Variants in MVB12B observed in about 807,000 individuals in gnomAD.
MVB12B encodes ESCRT-I complex subunit MVB12B.
In MVB12B, 16 loss-of-function variants were observed where a neutral mutation model predicts 41.6. The observed-to-expected ratio is 0.38, with a 90% CI of 0.26 to 0.58. MVB12B has a LOEUF of 0.58. Among genes scored for constraint, MVB12B ranks in the 20% least tolerant of loss-of-function variants. MVB12B has a pLI of 0.62. For missense variants in MVB12B, 274 were observed against 380.2 expected (o/e 0.72, Z 2.32); for synonymous variants, 133 against 139.7 (o/e 0.95, Z 0.34).
chr9:126,407,302 G>A (rs749743793), intron 6 of MVB12B, among the ~76,000 whole-genome samples: 38 of 151,910 alleles, frequency 2.5e-4, no homozygotes, highest in Non-Finnish European at 4.1e-4. Flanking sequence ...TCAGGGAGAG[G>A]TAGCTGTGGT....
chr9:126,491,170 G>A (rs1833722618), intron 9 of MVB12B, among the ~76,000 whole-genome samples: 1 of 152,214 alleles, frequency 6.6e-6, no homozygotes, highest in Non-Finnish European at 1.5e-5. Context: ...AATGCATTTG[G>A]CAGCATGAGG....
chr9:126,472,138 C>T (rs191276808), intron 7 of MVB12B, among the ~76,000 whole-genome samples: 3 of 152,064 alleles, frequency 2.0e-5, no homozygotes, highest in Admixed American at 6.5e-5. Flanking sequence ...CTAGGTATTC[C>T]GGGGCAATGG....
rs960603177 is a variant in MVB12B at position 126,435,933 on chromosome 9, T to A, written c.757+13985T>A. On this transcript the variant is annotated intron_variant, in intron 7 of 9. Coordinates refer to ENST00000361171, the MANE Select transcript of MVB12B (RefSeq NM_033446.3). ...GCTTGTTTCTTCAGGCTACATTTTT[T>A]AAAAAGAGATCATACCTTTTCTTTG... Among the ~76,000 whole-genome samples, 18 of 152,358 alleles carry A rather than the reference T, an allele frequency of 1.2e-4. No individual in the cohort carries two copies. The East Asian group carries it at 1.3e-3, about 11-fold the overall frequency.
chr9:126,483,328 A>AT (rs1833563875), intron 8 of MVB12B, among the ~76,000 whole-genome samples: 1 of 152,164 alleles, frequency 6.6e-6, no homozygotes, highest in African/African-American at 2.4e-5. Flanking sequence ...AAAAGCCAGC[A>AT]TTTTTTTAAG....
chr9:126,483,369 T>C (rs1284107692), intron 8 of MVB12B, among the ~76,000 whole-genome samples: 1 of 152,232 alleles, frequency 6.6e-6, no homozygotes, highest in African/African-American at 2.4e-5. Context: ...ATAAAAACTC[T>C]CATTAAAATG....
At position 126,376,691 on chromosome 9, in the gene MVB12B, A is replaced by G. The variant is rs540308886; in HGVS notation, c.205-4373A>G. ...TTCAGTGTGTACGCTTGGTTACTCA[A>G]TTACCCTCGTTTCCACTCTGAAGTT... On this transcript the variant is annotated intron_variant, in intron 2 of 9. Coordinates refer to ENST00000361171, the MANE Select transcript of MVB12B (RefSeq NM_033446.3). The surrounding 1 kb of genome is among the most constrained non-coding windows in gnomAD (Gnocchi z 4.1). The G allele has an allele frequency of 5.0e-4, 632 of 1,274,574 alleles. 7 individuals carry two copies. The South Asian group carries it at 6.8e-3, about 14-fold the overall frequency. 79.0% of individuals were successfully genotyped at this position (1,274,574 alleles called of 1,614,324 possible).
chr9:126,378,602 T>G (rs995652264), intron 2 of MVB12B, among the ~76,000 whole-genome samples: 1 of 151,954 alleles, frequency 6.6e-6, no homozygotes, highest in Admixed American at 6.6e-5. Context: ...GGAGTCTCTC[T>G]CTCTCTCTTT....
At chr9:126,467,087 G>A (rs985073155) in intron 7 of MVB12B, among the ~76,000 whole-genome samples, 1 of 152,066 alleles carries the variant, frequency 6.6e-6, no homozygotes, top group African/African-American at 2.4e-5. Context: ...GCCCACCTCG[G>A]CCTGCCAAAG....
chr9:126,366,113 C>T (rs1830173985), intron 2 of MVB12B, among the ~76,000 whole-genome samples: 1 of 152,044 alleles, frequency 6.6e-6, no homozygotes, highest in South Asian at 2.1e-4. Flanking sequence ...TGCCTCTGTC[C>T]CCTCTGTTCT....
chr9:126,451,211 G>A (rs112052048), intron 7 of MVB12B, among the ~76,000 whole-genome samples: 13 of 152,284 alleles, frequency 8.5e-5, no homozygotes, highest in African/African-American at 1.2e-4. Context: ...GGGCCTCAGC[G>A]TCTTTGACTG....
At position 126,418,607 on chromosome 9, in the gene MVB12B, GC is replaced by G. The variant is rs372049665; in HGVS notation, c.663-3246del. ...GTAAATTGGATGTTGGCACATTTCTGCTTAAAAATCATTCCAGAGAAAGGCA... is the reference window on the plus strand; with the variant it reads ...GTAAATTGGATGTTGGCACATTTCTGTTAAAAATCATTCCAGAGAAAGGCA... On this transcript the variant is annotated intron_variant, in intron 6 of 9. Coordinates refer to ENST00000361171, the MANE Select transcript of MVB12B (RefSeq NM_033446.3). 4.4e-4 allele frequency among the ~76,000 whole-genome samples: 67 copies of G among 152,282 alleles called. 1 individual carries two copies. The highest frequency in any genetic ancestry group is 1.6e-3 in the African/African-American group (65 of 41,548).
In MVB12B at chr9:126,506,413, G is replaced by A. The variant is rs1834072335; in HGVS notation, c.*3150G>A. The A allele has an allele frequency of 6.6e-6, 1 of 152,578 alleles. No individual in the cohort carries two copies. The highest frequency in any genetic ancestry group is 2.1e-4 in the South Asian group (1 of 4,838). The allele number at this position is 152,578 out of a possible 1,614,324, so 9.5% of individuals were successfully genotyped here. On this transcript the variant is annotated 3_prime_UTR_variant, in exon 10 of 10. Transcript: ENST00000361171. ...GCCAGCCATCCTGTCGCAAGCCCGT[G>A]CTGGGGCTGCCCTTTCTGTTTCCAG... is the stretch of plus-strand genomic sequence containing the variant.
intron 3 of MVB12B, among the ~76,000 whole-genome samples, chr9:126,382,016 C>G (rs1397947563): frequency 2.0e-5 from 3 of 150,632 alleles, no homozygotes; most frequent in African/African-American, 7.3e-5. Context: ...ATGTTATTGT[C>G]TCTTTGTCAT....
chr9:126,456,159 G>A (rs1832982523), intron 7 of MVB12B, among the ~76,000 whole-genome samples: 2 of 152,122 alleles, frequency 1.3e-5, no homozygotes, highest in South Asian at 4.1e-4. Context: ...CCAAAGTGCT[G>A]GGATTGCAGG....
At chr9:126,450,799 C>T (rs565877533) in intron 7 of MVB12B, among the ~76,000 whole-genome samples, 37 of 152,328 alleles carry the variant, frequency 2.4e-4, no homozygotes, top group Middle Eastern at 6.8e-3. Context: ...GCTGGGATTC[C>T]GGCTCAGGCT....
In MVB12B at chr9:126,340,465, C is replaced by T. The variant is rs537062983; in HGVS notation, c.82-43C>T. On this transcript the variant is annotated intron_variant, in intron 1 of 9. Transcript: ENST00000361171. The surrounding 1 kb of genome is among the most constrained non-coding windows in gnomAD (Gnocchi z 4.0). ...AGACTTTATATTATTCACATAAATG[C>T]TATGTTTGAATTTTGTGTTTTCTTT... 8.1e-6 allele frequency: 13 copies of T among 1,608,130 alleles called. No individual in the cohort carries two copies. The Admixed American group carries it at 2.0e-4, about 25-fold the overall frequency.
intron 7 of MVB12B, among the ~76,000 whole-genome samples, chr9:126,430,400 G>T (rs1287375850): frequency 6.6e-6 from 1 of 151,908 alleles, no homozygotes; most frequent in African/African-American, 2.4e-5. Flanking sequence ...TCTGTCCCTG[G>T]CTGTGGCTCT....
At chr9:126,502,964 C>T (rs1833990490) in intron 9 of MVB12B, among the ~76,000 whole-genome samples, 1 of 152,228 alleles carries the variant, frequency 6.6e-6, no homozygotes, top group African/African-American at 2.4e-5. Context: ...GCCTGTCACC[C>T]CCGCAGGCGT....
chr9:126,439,534 C>T (rs1002520491), intron 7 of MVB12B, among the ~76,000 whole-genome samples: 9 of 152,162 alleles, frequency 5.9e-5, no homozygotes, highest in South Asian at 2.1e-4. Flanking sequence ...CAGTAAGCCT[C>T]GAATAGTACT....
Sources: allele counts gnomAD v4.1 joint callset (sites outside exome capture counted in the v4.1 genomes callset), GRCh38; gene constraint gnomAD v4.1.1; non-coding constraint Gnocchi (gnomAD v3.1); transcripts MANE v1.5; gene names NCBI Gene and HGNC (gene_info 2026-07-23, HGNC 2026-07-21).